Variants in PRKCQ observed in about 807,000 individuals in gnomAD.
The protein encoded by PRKCQ is protein kinase C theta, also known as protein kinase C theta type.
A neutral mutation model predicts 91.2 loss-of-function variants in PRKCQ; 41 were observed. That is an observed-to-expected ratio of 0.45 (90% CI 0.35 to 0.58). PRKCQ has a LOEUF of 0.58. PRKCQ is among the 20% of genes least tolerant of loss of function. The pLI is 0.00. For missense variants in PRKCQ, 673 were observed against 896.5 expected (o/e 0.75, Z 3.18); for synonymous variants, 307 against 316.9 (o/e 0.97, Z 0.33).
intron 15 of PRKCQ, among the ~76,000 whole-genome samples, chr10:6,445,535 A>G (rs1834235324): frequency 6.6e-6 from 1 of 152,234 alleles, no homozygotes; most frequent in Non-Finnish European, 1.5e-5. Context: ...AGTGAAAAGT[A>G]GCAAAGTCAA....
chr10:6,442,201 C>A, intron 15 of PRKCQ, 120 bp from the exon 16 acceptor site: 21 of 954,332 alleles, frequency 2.2e-5, no homozygotes, highest in Non-Finnish European at 3.0e-5. Context: ...CAAGAAAGAT[C>A]ACCCTGAAAC....
At chr10:6,507,645 G>C in intron 3 of PRKCQ, 149 bp from the exon 4 acceptor site, 1 of 677,618 alleles carries the variant, frequency 1.5e-6, no homozygotes, top group Middle Eastern at 2.5e-4. Flanking sequence ...ATTGTCATCA[G>C]ACGACTGTAG....
intron 15 of PRKCQ, among the ~76,000 whole-genome samples, chr10:6,448,560 C>T (rs1588672745): frequency 6.6e-6 from 1 of 152,196 alleles, no homozygotes; most frequent in Middle Eastern, 3.4e-3. Context: ...AGGTACGTGC[C>T]ACCACACCCA....
rs147269798 is a variant in PRKCQ, at chr10:6,427,954, A to G, written c.*253T>C. The G allele has an allele frequency of 6.3e-6, 3 of 474,506 alleles. No individual in the cohort carries two copies. Among genetic ancestry groups the G allele is most frequent in the East Asian group, 8.3e-5 (2 of 24,230 alleles). 29.4% of individuals were successfully genotyped at this position (474,506 alleles called of 1,614,324 possible). A position where few individuals can be genotyped will look rare whatever the true frequency, so the allele number is the denominator to read the frequency against. ...CGGAGACCCATCTTTCAAGTAAATA[A>G]CTATGGTTAGTAATGACCTAACTTC... is the stretch of plus-strand genomic sequence containing the variant. On this transcript the variant is annotated 3_prime_UTR_variant, in exon 18 of 18. Coordinates refer to ENST00000263125, the MANE Select transcript of PRKCQ (RefSeq NM_006257.5).
At chr10:6,546,197 G>A (rs996902947) in intron 1 of PRKCQ, among the ~76,000 whole-genome samples, 2 of 152,114 alleles carry the variant, frequency 1.3e-5, no homozygotes, top group East Asian at 3.9e-4. Context: ...AGGCCCTGAT[G>A]TTTATTATTT....
chr10:6,406,244 C>T, the PRKCQ span, among the ~76,000 whole-genome samples: 6 of 151,970 alleles, frequency 3.9e-5, no homozygotes, highest in Non-Finnish European at 5.9e-5. Context: ...GTGCCTATAT[C>T]ATCCTAAAAT....
At position 6,434,047 on chromosome 10, in the gene PRKCQ, AAAGG is replaced by A. The variant is rs1197610842; in HGVS notation, c.1837-3113_1837-3110del. On this transcript the variant is annotated intron_variant, in intron 16 of 17. Transcript: ENST00000263125. ...AGACTCCTTAAAAAAAAAAAAAAAA[AAAGG>A]AAGCAAAAGGAATAAGTGACTTGCC... 8.6e-3 allele frequency among the ~76,000 whole-genome samples: 1,303 copies of A among 151,238 alleles called. 28 individuals carry two copies. The highest frequency in any genetic ancestry group is 0.03 in the African/African-American group (1,219 of 41,014).
chr10:6,563,216 A>G (rs1490686485), intron 1 of PRKCQ, among the ~76,000 whole-genome samples: 2 of 152,026 alleles, frequency 1.3e-5, no homozygotes, highest in African/African-American at 4.8e-5. Context: ...CGTAAGTCTC[A>G]CAGTTCCAAG....
At chr10:6,404,245 GAA>G in the PRKCQ span, among the ~76,000 whole-genome samples, 8 of 19,730 alleles carry the variant, frequency 4.1e-4, no homozygotes, top group African/African-American at 1.7e-3. Context: ...GAAAGGGAGA[GAA>G]GGGGGGGGGA....
chr10:6,406,996 T>C, the PRKCQ span, among the ~76,000 whole-genome samples: 1 of 152,224 alleles, frequency 6.6e-6, no homozygotes, highest in Non-Finnish European at 1.5e-5. Flanking sequence ...TCCTTTGTAT[T>C]TCCTCGGGGG....
chr10:6,456,917 G>T, intron 14 of PRKCQ, 105 bp from the exon 15 acceptor site: 2 of 1,204,112 alleles, frequency 1.7e-6, no homozygotes, highest in African/African-American at 1.5e-5. Flanking sequence ...CCTGAGAGGG[G>T]CTCACGAGAG....
intron 15 of PRKCQ, among the ~76,000 whole-genome samples, chr10:6,452,636 C>G (rs78406080): frequency 0.36 from 50,940 of 141,030 alleles, 9,606 homozygotes; most frequent in East Asian, 0.47. Context: ...GCCAAAAGAA[C>G]AAAGCTGGAA....
In PRKCQ at chr10:6,441,911, T is replaced by C. The variant is rs1216115290; in HGVS notation, c.1818A>G (p.Ala606=). The C allele has an allele frequency of 2.5e-6, 4 of 1,608,732 alleles. No homozygotes were observed. The highest frequency in any genetic ancestry group is 3.4e-6 in the Non-Finnish European group (4 of 1,175,670). ...TTCTTACCTTCACCAGAAGGTCCTT[T>C]GCTTCCTTCTCCAGCCACCGTGGGT... ...PFYPRWLEKE[A]KDLLVKLFVR... is the part of the protein sequence containing the mutation. The change falls in exon 16 of 18, where the codon GCA becomes GCG. Residue 606 remains alanine, a synonymous_variant. Coordinates refer to ENST00000263125, the MANE Select transcript of PRKCQ (RefSeq NM_006257.5).
chr10:6,491,989 G>C (rs969060460), intron 7 of PRKCQ, among the ~76,000 whole-genome samples, 177 bp from the exon 8 acceptor site: 5 of 152,220 alleles, frequency 3.3e-5, no homozygotes, highest in Non-Finnish European at 5.9e-5. Flanking sequence ...AAGGCAGGCA[G>C]CCTCAGCAAC....
At chr10:6,466,429 A>G (rs1835659547) in intron 12 of PRKCQ, among the ~76,000 whole-genome samples, 1 of 152,234 alleles carries the variant, frequency 6.6e-6, no homozygotes, top group African/African-American at 2.4e-5. Context: ...GAGGGTGAGA[A>G]GAAGACTACG....
Position 6,462,457 on chromosome 10 carries a change from G to T in PRKCQ, c.1446-92C>A, listed in dbSNP as rs1369745328. The T allele has an allele frequency of 6.2e-6, 7 of 1,121,554 alleles. 1 individual carries two copies. The Admixed American group carries it at 1.3e-4, about 20-fold the overall frequency. The allele number at this position is 1,121,554 out of a possible 1,614,324, so 69.5% of individuals were successfully genotyped here. On this transcript the variant is annotated intron_variant, in intron 13 of 17. Coordinates refer to ENST00000263125, the MANE Select transcript of PRKCQ (RefSeq NM_006257.5). The stretch of plus-strand genomic sequence containing the variant: ...GACTGACCTTTTTCTGACATGCTGT[G>T]TATGGCTAAATGGCATACACACATA...
At chr10:6,403,194 C>T in the PRKCQ span, among the ~76,000 whole-genome samples, 1 of 152,178 alleles carries the variant, frequency 6.6e-6, no homozygotes, top group African/African-American at 2.4e-5. Context: ...GCTAAAACAC[C>T]TAGTTTCCGG....
Position 6,453,170 on chromosome 10 carries a change from C to T in PRKCQ, c.1647+3504G>A, listed in dbSNP as rs1404794394. ...AATGGGAGAAAATTTTCGCAACCTA[C>T]TCATCTGACAAAGGGCTAATATCCA... On this transcript the variant is annotated intron_variant, in intron 15 of 17. Coordinates refer to ENST00000263125, the MANE Select transcript of PRKCQ (RefSeq NM_006257.5). Among the ~76,000 whole-genome samples, 7 of 151,036 alleles carry T rather than the reference C, an allele frequency of 4.6e-5. No individual in the cohort carries two copies. The South Asian group carries it at 1.5e-3, about 32-fold the overall frequency.
At chr10:6,489,434 G>C (rs775500672) in intron 8 of PRKCQ, 1 of 532,394 alleles carries the variant, frequency 1.9e-6, no homozygotes, top group Non-Finnish European at 3.9e-6. Context: ...AGGGCAAAGA[G>C]TCCCTTTGGA....
Sources: gnomAD v4.1 joint callset for allele counts (sites outside exome capture counted in the v4.1 genomes callset) on GRCh38, gnomAD v4.1.1 for gene constraint, MANE v1.5 for transcripts, NCBI Gene and HGNC (gene_info 2026-07-23, HGNC 2026-07-21) for gene names.